The following LONP2 variants were observed in gnomAD, a reference collection of about 807,000 sequenced individuals.
LONP2 encodes lon protease homolog 2, peroxisomal.
Under a neutral mutation model 85.6 loss-of-function variants are expected in LONP2, and 60 were observed. The observed-to-expected ratio is 0.70, with a 90% CI of 0.57 to 0.87. The LOEUF is 0.87. Among genes scored for constraint, LONP2 ranks in the 40% least tolerant of loss-of-function variants. The probability of loss-of-function intolerance (pLI) is 0.00; values close to 1 mark genes in which losing one functional copy is unlikely to be tolerated. For synonymous variants in LONP2, 395 were observed against 389.7 expected, an observed-to-expected ratio of 1.01 and a Z score of -0.16; for missense variants, 860 against 1,063.5, an observed-to-expected ratio of 0.81 and a Z score of 2.66.
intron 2 of LONP2, 115 bp from the exon 3 acceptor site, chr16:48,256,495 A>G: frequency 1.9e-6 from 2 of 1,037,052 alleles, no homozygotes; most frequent in South Asian, 2.8e-5. Context: ...TTAATCAGTG[A>G]TCTTTCAAAA....
rs1279128733 is a variant in LONP2, at chr16:48,355,978, T to A, written c.*4176T>A. ...CTTTGCTTATCAAGAAATCCTACACTGTCCACTGGAGACATCCATGTTTTT... is the reference window on the plus strand; with the variant it reads ...CTTTGCTTATCAAGAAATCCTACACAGTCCACTGGAGACATCCATGTTTTT... On this transcript the variant is annotated 3_prime_UTR_variant, in exon 15 of 15. Coordinates refer to ENST00000285737, the MANE Select transcript of LONP2 (RefSeq NM_031490.5). The A allele has an allele frequency of 6.6e-6, 1 of 152,240 alleles. No individual in the cohort carries two copies. Among genetic ancestry groups the A allele is most frequent in the Non-Finnish European group, 1.5e-5 (1 of 68,042 alleles). 9.4% of individuals were successfully genotyped at this position (152,240 alleles called of 1,614,324 possible).
At chr16:48,325,343 G>A (rs1210543376) in intron 11 of LONP2, among the ~76,000 whole-genome samples, 1 of 152,150 alleles carries the variant, frequency 6.6e-6, no homozygotes, top group Admixed American at 6.5e-5. Flanking sequence ...CCCTGCAGTA[G>A]AACACCAGAA....
chr16:48,254,945 C>T (rs768144805), intron 2 of LONP2, among the ~76,000 whole-genome samples: 3 of 152,150 alleles, frequency 2.0e-5, no homozygotes, highest in Non-Finnish European at 4.4e-5. Context: ...TTATTATCTA[C>T]TTCTTCCACC....
At chr16:48,272,353 C>T (rs1005147750) in intron 7 of LONP2, among the ~76,000 whole-genome samples, 2 of 152,036 alleles carry the variant, frequency 1.3e-5, no homozygotes, top group African/African-American at 4.8e-5. Context: ...TTTTCTGTTG[C>T]CTACTAATGG....
chr16:48,285,315 G>C (rs554633617), intron 8 of LONP2, among the ~76,000 whole-genome samples: 50 of 152,146 alleles, frequency 3.3e-4, no homozygotes, highest in Admixed American at 1.4e-3. Flanking sequence ...CTGTGTTTAT[G>C]TGTGATCCTC....
At chr16:48,340,530 A>T (rs938608594) in intron 12 of LONP2, among the ~76,000 whole-genome samples, 1 of 152,230 alleles carries the variant, frequency 6.6e-6, no homozygotes, top group African/African-American at 2.4e-5. Flanking sequence ...ATTAATGTCA[A>T]AAAATATTAC....
intron 2 of LONP2, among the ~76,000 whole-genome samples, chr16:48,254,565 A>T (rs112888159): frequency 6.6e-6 from 1 of 151,900 alleles, no homozygotes; most frequent in Admixed American, 6.6e-5. Flanking sequence ...AGGTTTCACC[A>T]TGTTGGCCAG....
At chr16:48,358,931 A>G (rs189947098), downstream of LONP2, among the ~76,000 whole-genome samples, 3 of 152,366 alleles carry the variant, frequency 2.0e-5, no homozygotes, top group East Asian at 5.8e-4. Flanking sequence ...CATGAACTTT[A>G]TAATCAAAAC....
At chr16:48,321,841 G>C (rs1973271461) in intron 11 of LONP2, among the ~76,000 whole-genome samples, 1 of 152,184 alleles carries the variant, frequency 6.6e-6, no homozygotes, top group Non-Finnish European at 1.5e-5. Context: ...GCGTGAGTCA[G>C]CAAGTGAGTG....
chr16:48,351,780 G>A lies in LONP2; in HGVS notation c.2537G>A (p.Gly846Asp). Reference protein sequence around the residue: ...DGGFTVKTRPGLLNSKL With the variant: ...DGGFTVKTRPDLLNSKL The stretch of plus-strand genomic sequence containing the variant: ...GGCTTTACTGTCAAGACCAGACCTG[G>A]TCTGTTAAATAGCAAACTGTAGGTC... Residue 846 changes from glycine (G) to aspartate (D), a missense_variant, in exon 15 of 15, where the codon GGT becomes GAT. Transcript: ENST00000285737. 1 of 1,614,104 alleles carries A rather than the reference G, an allele frequency of 6.2e-7. No individual in the cohort carries two copies. The highest frequency in any genetic ancestry group is 8.5e-7 in the Non-Finnish European group (1 of 1,179,998).
chr16:48,319,721 C>T (rs1973222360), intron 11 of LONP2, among the ~76,000 whole-genome samples: 1 of 152,132 alleles, frequency 6.6e-6, no homozygotes, highest in African/African-American at 2.4e-5. Context: ...AAACTGCAGT[C>T]TTTTATACCC....
chr16:48,280,464 G>C (rs1035152148), intron 8 of LONP2, among the ~76,000 whole-genome samples: 1 of 152,144 alleles, frequency 6.6e-6, no homozygotes, highest in African/African-American at 2.4e-5. Context: ...ACTTTGTAAT[G>C]ATTCAATAAT....
intron 14 of LONP2, among the ~76,000 whole-genome samples, chr16:48,349,409 T>TACA (rs1336861141): frequency 6.6e-6 from 1 of 152,222 alleles, no homozygotes; most frequent in Non-Finnish European, 1.5e-5. Context: ...TAGCTGGGAT[T>TACA]ACAAGCATGC....
chr16:48,309,422 A>G (rs1427428485), intron 11 of LONP2, among the ~76,000 whole-genome samples: 1 of 152,228 alleles, frequency 6.6e-6, no homozygotes, highest in Non-Finnish European at 1.5e-5. Flanking sequence ...TTGCAGCAAT[A>G]TGGATGAAAC....
At chr16:48,261,285 C>T (rs966321262) in intron 4 of LONP2, 139 bp from the exon 5 acceptor site, 38 of 591,832 alleles carry the variant, frequency 6.4e-5, no homozygotes, top group Admixed American at 1.7e-4. Flanking sequence ...GATTATCATT[C>T]TGAACTTCAC....
chr16:48,274,732 T>C (rs929186650), intron 7 of LONP2, among the ~76,000 whole-genome samples: 1 of 151,960 alleles, frequency 6.6e-6, no homozygotes, highest in African/African-American at 2.4e-5. Flanking sequence ...GAAAAAATCC[T>C]CATGTTTTTC....
rs773592535 is a variant in LONP2 at position 48,351,698 on chromosome 16, T to G, written c.2455T>G (p.Leu819Val). 13 of 1,614,182 alleles carry G rather than the reference T, an allele frequency of 8.1e-6. No homozygotes were observed. In the South Asian group the frequency reaches 1.4e-4, roughly 18 times the overall value. The change falls in exon 15 of 15, where the codon TTA becomes GTA. Residue 819 changes from leucine (L) to valine (V), a missense_variant. By Grantham distance (32) the Leu-to-Val change is conservative (BLOSUM62 1). This residue lies in a region of LONP2 where 115 missense variants were observed against 129.0 expected (regional missense o/e 0.89). Transcript: ENST00000285737. ...AATCCCAGGCAACGTACGACAGGAT[T>G]TAAGTTTTGTCACAGCAAGCTGCCT... ...EGIPGNVRQD[L>V]SFVTASCLDE...
intron 7 of LONP2, among the ~76,000 whole-genome samples, chr16:48,274,867 A>G (rs534319774): frequency 6.6e-6 from 1 of 152,190 alleles, no homozygotes; most frequent in Non-Finnish European, 1.5e-5. Flanking sequence ...ACTCTTTTCT[A>G]TTCCAAATTC....
intron 14 of LONP2, among the ~76,000 whole-genome samples, chr16:48,349,398 C>A (rs566510054): frequency 6.6e-6 from 1 of 152,234 alleles, no homozygotes; most frequent in East Asian, 1.9e-4. Context: ...AGTCTCTCAA[C>A]TAGCTGGGAT....
Sources: gnomAD v4.1 joint callset for allele counts (sites outside exome capture counted in the v4.1 genomes callset) on GRCh38, gnomAD v4.1.1 for gene constraint, gnomAD v4.1.1 regional missense constraint, MANE v1.5 for transcripts, NCBI Gene and HGNC (gene_info 2026-07-23, HGNC 2026-07-21) for gene names.